The following VPS33A variants were observed in gnomAD, a reference collection of about 807,000 sequenced individuals.
VPS33A encodes the protein vacuolar protein sorting-associated protein 33A.
A neutral mutation model predicts 71.8 loss-of-function variants in VPS33A; 32 were observed. The ratio of observed to expected loss-of-function variants is 0.45; its 90% CI spans 0.34 to 0.60. The LOEUF (loss-of-function observed/expected upper bound fraction) is 0.60. Among genes scored for constraint, VPS33A ranks in the 20% least tolerant of loss-of-function variants. The probability of loss-of-function intolerance (pLI) is 0.02; values close to 1 mark genes in which losing one functional copy is unlikely to be tolerated. For missense variants in VPS33A, 625 were observed against 748.5 expected (o/e 0.84, Z 1.92); for synonymous variants, 311 against 292.7 (o/e 1.06, Z -0.64).
rs751768352 is a variant in VPS33A, at chr12:122,232,847, G to A, written c.1562C>T (p.Pro521Leu). The A allele has an allele frequency of 5.6e-6, 9 of 1,613,994 alleles. No homozygotes were observed. In the East Asian group the frequency reaches 1.8e-4, roughly 32 times the overall value. Reference protein sequence around the residue: ...IEEVLRILPGPHFEERQPLPT... With the variant: ...IEEVLRILPGLHFEERQPLPT... Reference sequence around the variant, plus strand: ...CAGTGGCTGCCGCTCCTCAAAGTGGGGCCCTGGGAGGATGCGGAGGACCTC... The same window carrying A: ...CAGTGGCTGCCGCTCCTCAAAGTGGAGCCCTGGGAGGATGCGGAGGACCTC... Residue 521 changes from proline to leucine, a missense_variant, in exon 12 of 13, where the codon CCC becomes CTC. Physicochemically the swap from Pro to Leu is moderately conservative, Grantham distance 98 (BLOSUM62 -3). Coordinates refer to ENST00000267199, the MANE Select transcript of VPS33A (RefSeq NM_022916.6).
At chr12:122,256,870 T>C (rs1169944138) in intron 4 of VPS33A, among the ~76,000 whole-genome samples, 3 of 152,172 alleles carry the variant, frequency 2.0e-5, no homozygotes, top group Non-Finnish European at 2.9e-5. Context: ...TAATACATTA[T>C]GTACATCCAA....
chr12:122,246,222 CA>C (rs1368402076), intron 6 of VPS33A, among the ~76,000 whole-genome samples: 1 of 152,184 alleles, frequency 6.6e-6, no homozygotes, highest in African/African-American at 2.4e-5. Context: ...AGGCTGGGCA[CA>C]GTGGCTCACG....
chr12:122,258,733 C>T (rs1954950753), intron 4 of VPS33A, among the ~76,000 whole-genome samples: 1 of 151,988 alleles, frequency 6.6e-6, no homozygotes, highest in Non-Finnish European at 1.5e-5. Context: ...GTAATCGCAG[C>T]ACTTTGGGAG....
At chr12:122,251,149 G>A in intron 4 of VPS33A, 50 bp from the exon 5 acceptor site, 1 of 1,273,610 alleles carries the variant, frequency 7.9e-7, no homozygotes, top group Non-Finnish European at 1.1e-6. Flanking sequence ...CCTCCCAGGG[G>A]CCCATCTCTG....
intron 4 of VPS33A, chr12:122,253,550 C>CAAA (rs35143468): frequency 7.0e-4 from 58 of 83,298 alleles, no homozygotes; most frequent in Admixed American, 3.0e-3. Context: ...AAGACTGTCT[C>CAAA]AAAAAAAAAA....
At chr12:122,254,022 G>A (rs1215092504) in intron 4 of VPS33A, among the ~76,000 whole-genome samples, 1 of 151,942 alleles carries the variant, frequency 6.6e-6, no homozygotes, top group Non-Finnish European at 1.5e-5. Context: ...TAACCCCAAA[G>A]TCTCACATAC....
intron 4 of VPS33A, among the ~76,000 whole-genome samples, chr12:122,260,910 G>C (rs754403089): frequency 3.2e-4 from 49 of 152,206 alleles, no homozygotes; most frequent in Non-Finnish European, 6.3e-4. Flanking sequence ...AAGAGGCGGA[G>C]GCTGCAGTGA....
intron 3 of VPS33A, among the ~76,000 whole-genome samples, chr12:122,262,756 G>GA (rs1177996747): frequency 6.6e-6 from 1 of 152,018 alleles, no homozygotes. Context: ...TGGCTATCTT[G>GA]AAAGAATGGG....
intron 4 of VPS33A, among the ~76,000 whole-genome samples, chr12:122,259,870 A>G (rs375204385): frequency 2.3e-4 from 35 of 151,422 alleles, no homozygotes; most frequent in African/African-American, 8.5e-4. Flanking sequence ...ATAAAAATAG[A>G]AAAAAAAAGA....
In VPS33A at chr12:122,261,263, T is replaced by C; in HGVS notation, c.481A>G (p.Lys161Glu). 6.3e-7 allele frequency: 1 copy of C among 1,597,336 alleles called. No individual in the cohort carries two copies. The highest frequency in any genetic ancestry group is 8.5e-7 in the Non-Finnish European group (1 of 1,173,542). The change falls in exon 4 of 13, where the codon AAA becomes GAA. Residue 161 changes from lysine (K) to glutamate (E), a missense_variant and splice_region_variant. Physicochemically the swap from Lys to Glu is moderately conservative, Grantham distance 56 (BLOSUM62 1). Coordinates refer to ENST00000267199, the MANE Select transcript of VPS33A (RefSeq NM_022916.6). ...LLSMESEGAFKECYLEGDQTS... is the reference protein window; with the variant it reads ...LLSMESEGAFEECYLEGDQTS... ...AGTTAAGGAAATGCCAAACTTACTT[T>C]GAATGCACCCTCTGATTCCATGGAT... is the stretch of plus-strand genomic sequence containing the variant.
chr12:122,245,928 C>T (rs1179383671), intron 6 of VPS33A, among the ~76,000 whole-genome samples: 1 of 152,194 alleles, frequency 6.6e-6, no homozygotes, highest in Non-Finnish European at 1.5e-5. Context: ...AAAAGCTGTA[C>T]ACCCTGATCT....
rs777448551 is a variant in VPS33A, at chr12:122,232,778, T to C, written c.1609+22A>G. 17 of 1,601,666 alleles carry C rather than the reference T, an allele frequency of 1.1e-5. No individual in the cohort carries two copies. The Admixed American group carries it at 2.7e-4, about 26-fold the overall frequency. ...CACACTAACAGTACATAATTATCTGTAGATGCTGGACTGGGACTTACGTTT... is the reference window on the plus strand; with the variant it reads ...CACACTAACAGTACATAATTATCTGCAGATGCTGGACTGGGACTTACGTTT... On this transcript the variant is annotated intron_variant, in intron 12 of 12. Transcript: ENST00000267199.
chr12:122,238,770 T>TACACACACACACACACAC lies in VPS33A; in HGVS notation c.1165-64_1165-47dup, dbSNP rs57522920. On this transcript the variant is annotated intron_variant, in intron 9 of 12. Coordinates refer to ENST00000267199, the MANE Select transcript of VPS33A (RefSeq NM_022916.6). The stretch of plus-strand genomic sequence containing the variant: ...ATATACATATACATTTACATATACA[T>TACACACACACACACACAC]ACACACACACACACACACACACACA... 4.0e-5 allele frequency: 35 copies of TACACACACACACACACAC among 872,994 alleles called. No individual in the cohort carries two copies. The African/African-American group carries it at 5.4e-4, about 14-fold the overall frequency. The allele number at this position is 872,994 out of a possible 1,614,324, so 54.1% of individuals were successfully genotyped here. A position where few individuals can be genotyped will look rare whatever the true frequency, so the allele number is the denominator to read the frequency against.
chr12:122,235,670 C>CA (rs1954620413), intron 11 of VPS33A, 116 bp downstream of exon 11: 2 of 1,378,484 alleles, frequency 1.5e-6, no homozygotes, highest in Non-Finnish European at 2.0e-6. Context: ...TTTTCAAAAA[C>CA]ATTAGAAAAT....
intron 4 of VPS33A, among the ~76,000 whole-genome samples, chr12:122,254,106 G>A (rs371151919): frequency 6.6e-6 from 1 of 151,980 alleles, no homozygotes; most frequent in African/African-American, 2.4e-5. Context: ...ATATATACGC[G>A]TAAAGGCCAC....
rs1167658447 is a variant in VPS33A, at chr12:122,232,824, G to A, written c.1585C>T (p.Leu529=). 2.5e-6 allele frequency: 4 copies of A among 1,613,844 alleles called. No homozygotes were observed. The highest frequency in any genetic ancestry group is 3.4e-6 in the Non-Finnish European group (4 of 1,179,828). ...CGTTTCTTCTGCAGTCCTGTGGGCAGTGGCTGCCGCTCCTCAAAGTGGGGC... is the reference window on the plus strand; with the variant it reads ...CGTTTCTTCTGCAGTCCTGTGGGCAATGGCTGCCGCTCCTCAAAGTGGGGC... ...PGPHFEERQP[L]PTGLQKKRQP... is the part of the protein sequence containing the mutation. Residue 529 remains leucine, a synonymous_variant, in exon 12 of 13, where the codon CTG becomes TTG. Transcript: ENST00000267199.
At chr12:122,240,876 C>T (rs1954704645) in intron 8 of VPS33A, 1 of 152,230 alleles carries the variant, frequency 6.6e-6, no homozygotes, top group African/African-American at 2.4e-5. Flanking sequence ...TGGCTCATGC[C>T]TGTAATCCCA....
intron 4 of VPS33A, among the ~76,000 whole-genome samples, chr12:122,259,199 A>ATGTGTGTG (rs1954959654): frequency 6.7e-6 from 1 of 149,032 alleles, no homozygotes; most frequent in Non-Finnish European, 1.5e-5. Context: ...GTATGTATGT[A>ATGTGTGTG]TGTATGTATG....
chr12:122,242,583 C>T, intron 7 of VPS33A, 75 bp from the exon 8 acceptor site: 5 of 1,483,300 alleles, frequency 3.4e-6, no homozygotes, highest in South Asian at 1.3e-5. Flanking sequence ...GAAGGACTCT[C>T]GCTTTGTTGC....
Sources: allele counts gnomAD v4.1 joint callset (sites outside exome capture counted in the v4.1 genomes callset), GRCh38; gene constraint gnomAD v4.1.1; transcripts MANE v1.5; gene names NCBI Gene and HGNC (gene_info 2026-07-23, HGNC 2026-07-21).